MTUS2: variants seen among roughly 807,000 people sequenced by gnomAD.
The protein encoded by MTUS2 is microtubule associated scaffold protein 2.
In MTUS2, 40 loss-of-function variants were observed where a neutral mutation model predicts 114.1. The ratio of observed to expected loss-of-function variants is 0.35; its 90% CI spans 0.27 to 0.46. The LOEUF (loss-of-function observed/expected upper bound fraction) is 0.46, where lower values mean the gene tolerates loss of function less well. Among genes scored for constraint, MTUS2 ranks in the 20% least tolerant of loss-of-function variants. MTUS2 has a pLI of 1.00. For synonymous variants in MTUS2, 688 were observed against 672.0 expected (o/e 1.02, Z -0.37); for missense variants, 1,679 against 1,705.4 (o/e 0.98, Z 0.27).
chr13:29,478,406 A>G (rs1343484531), intron 9 of MTUS2, among the ~76,000 whole-genome samples: 5 of 152,266 alleles, frequency 3.3e-5, no homozygotes, highest in African/African-American at 1.2e-4. Flanking sequence ...CTTACTCTCA[A>G]ATGGTTCCAA....
intron 9 of MTUS2, among the ~76,000 whole-genome samples, chr13:29,479,900 T>C (rs1593493546): frequency 6.6e-6 from 1 of 152,182 alleles, no homozygotes; most frequent in African/African-American, 2.4e-5. Flanking sequence ...CAGCTCCTTC[T>C]CCAGCCGCTG....
intron 2 of MTUS2, among the ~76,000 whole-genome samples, chr13:28,995,616 A>G (rs967338229): frequency 5.9e-5 from 9 of 152,026 alleles, no homozygotes; most frequent in East Asian, 1.9e-4. Context: ...GGTCCTTCAC[A>G]TCCCTTGTAA....
intron 2 of MTUS2, among the ~76,000 whole-genome samples, chr13:28,929,055 G>A (rs941767896): frequency 1.3e-5 from 2 of 152,082 alleles, no homozygotes; most frequent in African/African-American, 2.4e-5. Flanking sequence ...AGTGAAATAA[G>A]CCAAGCACAG....
intron 5 of MTUS2, among the ~76,000 whole-genome samples, chr13:29,155,775 A>G (rs1251445993): frequency 6.6e-6 from 1 of 152,166 alleles, no homozygotes; most frequent in Non-Finnish European, 1.5e-5. Context: ...AGAGATATGT[A>G]TATATACATG....
At chr13:28,879,511 T>C (rs1019385004) in intron 2 of MTUS2, among the ~76,000 whole-genome samples, 10 of 152,172 alleles carry the variant, frequency 6.6e-5, no homozygotes, top group African/African-American at 2.4e-4. Context: ...TTGCCAAGAC[T>C]TCTGACCTAT....
intron 8 of MTUS2, among the ~76,000 whole-genome samples, chr13:29,398,331 G>C (rs535260106): frequency 2.0e-5 from 3 of 152,050 alleles, no homozygotes; most frequent in African/African-American, 7.2e-5. Context: ...CGTGGTGGCA[G>C]ATGTCTGTAA....
chr13:29,350,575 C>G (rs115202758), intron 7 of MTUS2, among the ~76,000 whole-genome samples: 1 of 151,806 alleles, frequency 6.6e-6, no homozygotes, highest in Non-Finnish European at 1.5e-5. Flanking sequence ...CTTCTTAATA[C>G]GTAATATAAG....
rs374886535 is a variant in MTUS2, at chr13:29,024,744, C to T, written c.46C>T (p.Arg16Trp). Residue 16 changes from arginine to tryptophan, a missense_variant, in exon 3 of 16, where the codon CGG becomes TGG. By Grantham distance (101) the Arg-to-Trp change is moderately radical. Transcript: ENST00000612955. The part of the protein sequence containing the change: ...APKKSCYTQL[R>W]DNRNAARNNN... The stretch of plus-strand genomic sequence containing the variant: ...TAAGAAATCATGTTACACTCAGTTG[C>T]GGGACAACAGAAATGCAGCAAGAAA... 18 of 1,613,752 alleles carry T rather than the reference C, an allele frequency of 1.1e-5. No homozygotes were observed. Among genetic ancestry groups the T allele is most frequent in the African/African-American group, 2.7e-5 (2 of 74,876 alleles).
intron 1 of MTUS2, among the ~76,000 whole-genome samples, chr13:28,838,704 C>A (rs1186892540): frequency 6.6e-6 from 1 of 152,166 alleles, no homozygotes; most frequent in African/African-American, 2.4e-5. Context: ...CTCAGCTTTT[C>A]TTTCTGTCAT....
intron 2 of MTUS2, among the ~76,000 whole-genome samples, chr13:28,967,153 G>C (rs1369147725): frequency 6.6e-6 from 1 of 152,236 alleles, no homozygotes; most frequent in Non-Finnish European, 1.5e-5. Flanking sequence ...CCAGCAGGGG[G>C]AGGAGTCATA....
intron 8 of MTUS2, among the ~76,000 whole-genome samples, chr13:29,417,207 G>A (rs1032890728): frequency 6.6e-6 from 1 of 152,130 alleles, no homozygotes; most frequent in African/African-American, 2.4e-5. Context: ...GGGCAAGAGA[G>A]AGAAGAGTGA....
At chr13:29,246,575 C>CA (rs1346479126) in intron 5 of MTUS2, among the ~76,000 whole-genome samples, 1 of 152,210 alleles carries the variant, frequency 6.6e-6, no homozygotes, top group Non-Finnish European at 1.5e-5. Flanking sequence ...AAGTTGAACT[C>CA]AAACAGCACC....
intron 1 of MTUS2, among the ~76,000 whole-genome samples, chr13:28,835,585 G>C (rs1054756593): frequency 1.2e-4 from 19 of 152,292 alleles, no homozygotes; most frequent in African/African-American, 4.6e-4. Context: ...GGCGATGCTT[G>C]CATGACCTTG....
intron 1 of MTUS2, among the ~76,000 whole-genome samples, chr13:28,828,283 C>T (rs1401796445): frequency 6.6e-6 from 1 of 152,206 alleles, no homozygotes; most frequent in African/African-American, 2.4e-5. Context: ...GTTCCCTCAA[C>T]ATTGCTGTTA....
At chr13:29,441,905 C>CA (rs748113523) in intron 9 of MTUS2, among the ~76,000 whole-genome samples, 51 of 152,158 alleles carry the variant, frequency 3.4e-4, no homozygotes, top group East Asian at 1.5e-3. Flanking sequence ...TTTTTTTAAT[C>CA]AAAAAAATCC....
At chr13:29,091,884 A>T (rs1889967580) in intron 4 of MTUS2, among the ~76,000 whole-genome samples, 1 of 152,234 alleles carries the variant, frequency 6.6e-6, no homozygotes, top group South Asian at 2.1e-4. Context: ...GCCAAGAAGG[A>T]ACAGTGCAGA....
intron 2 of MTUS2, among the ~76,000 whole-genome samples, chr13:28,936,490 C>G (rs1483918517): frequency 1.3e-5 from 2 of 152,092 alleles, no homozygotes; most frequent in African/African-American, 4.8e-5. Context: ...CTTTGCTTTC[C>G]TGCGGTGCCT....
chr13:29,451,273 CAT>C (rs1878664775), intron 9 of MTUS2, among the ~76,000 whole-genome samples: 1 of 151,536 alleles, frequency 6.6e-6, no homozygotes, highest in African/African-American at 2.4e-5. Context: ...AAATCAATAA[CAT>C]AAAAATATCT....
chr13:28,906,989 G>C (rs184442773), intron 2 of MTUS2, among the ~76,000 whole-genome samples: 65 of 151,536 alleles, frequency 4.3e-4, no homozygotes, highest in Non-Finnish European at 1.2e-4. Context: ...AAAATGTTAA[G>C]GGCAGCCAGA....
Sources: allele counts gnomAD v4.1 joint callset (sites outside exome capture counted in the v4.1 genomes callset), GRCh38; gene constraint gnomAD v4.1.1; transcripts MANE v1.5; gene names NCBI Gene and HGNC (gene_info 2026-07-23, HGNC 2026-07-21).